Variants in TLK2 observed in about 807,000 individuals in gnomAD.
The protein encoded by TLK2 is serine/threonine-protein kinase tousled-like 2.
In TLK2, 6 loss-of-function variants were observed where a neutral mutation model predicts 117.3. The observed-to-expected ratio is 0.05, with a 90% confidence interval of 0.03 to 0.10. TLK2 has a LOEUF of 0.10. Among genes scored for constraint, TLK2 ranks in the 10% least tolerant of loss-of-function variants. The pLI is 1.00. For synonymous variants in TLK2, 257 were observed against 316.7 expected, an observed-to-expected ratio of 0.81 and a Z score of 2.00; for missense variants, 299 against 901.2, an observed-to-expected ratio of 0.33 and a Z score of 8.56.
chr17:62,516,773 C>T (rs1567832465), intron 2 of TLK2: 3 of 1,518,506 alleles, frequency 2.0e-6, no homozygotes, highest in East Asian at 2.3e-5. Context: ...AACATCTCTG[C>T]AGCTGCAGGG....
At chr17:62,543,309 T>C (rs2077671355) in intron 7 of TLK2, among the ~76,000 whole-genome samples, 1 of 152,238 alleles carries the variant, frequency 6.6e-6, no homozygotes, top group African/African-American at 2.4e-5. Flanking sequence ...GATGTTGCTA[T>C]GAACATTCAT....
chr17:62,542,376 G>A (rs1247856957), intron 7 of TLK2, among the ~76,000 whole-genome samples: 2 of 152,070 alleles, frequency 1.3e-5, no homozygotes, highest in African/African-American at 4.8e-5. Flanking sequence ...CAAAGTGTGG[G>A]GATTAGAGGC....
At chr17:62,600,077 G>A (rs983574828) in intron 17 of TLK2, among the ~76,000 whole-genome samples, 1 of 152,198 alleles carries the variant, frequency 6.6e-6, no homozygotes, top group East Asian at 1.9e-4. Flanking sequence ...GTGCCAAGCT[G>A]TCAGAAGACG....
At position 62,503,922 on chromosome 17, in the gene TLK2, C is replaced by T. The variant is rs2319026; in HGVS notation, c.82-16851C>T. ...TTTTTTTTTGTATTTTTAGTAGAGA[C>T]GGGGTTTCTCCATGTTGGTCAGGCT... On this transcript the variant is annotated intron_variant, in intron 2 of 21. Transcript: ENST00000346027. 2.9e-3 allele frequency among the ~76,000 whole-genome samples: 444 copies of T among 150,560 alleles called. 1 individual carries two copies. Among genetic ancestry groups the T allele is most frequent in the African/African-American group, 0.01 (421 of 40,934 alleles).
At chr17:62,548,240 A>ATATATG (rs368516607) in intron 7 of TLK2, among the ~76,000 whole-genome samples, 120 of 121,288 alleles carry the variant, frequency 9.9e-4, no homozygotes, top group African/African-American at 2.7e-3. Flanking sequence ...ATATATATAT[A>ATATATG]TGTGTGTGTG....
intron 19 of TLK2, among the ~76,000 whole-genome samples, chr17:62,602,888 A>C (rs924935793): frequency 2.0e-5 from 3 of 152,182 alleles, no homozygotes; most frequent in Non-Finnish European, 1.5e-5. Context: ...TATGGTTGTA[A>C]AAGTGTGTTA....
intron 3 of TLK2, 35 bp downstream of exon 3, chr17:62,520,879 C>T (rs1567841157): frequency 6.2e-7 from 1 of 1,606,348 alleles, no homozygotes; most frequent in Non-Finnish European, 8.5e-7. Flanking sequence ...ACTTTTCATA[C>T]TTGTACGTTT....
chr17:62,596,044 C>T (rs1407907240), intron 16 of TLK2, among the ~76,000 whole-genome samples: 1 of 152,024 alleles, frequency 6.6e-6, no homozygotes, highest in Non-Finnish European at 1.5e-5. Context: ...GGTTGACATC[C>T]ATTCACTTAA....
Position 62,596,663 on chromosome 17 carries a change from G to A in TLK2, c.1539G>A (p.Leu513=). The A allele has an allele frequency of 6.2e-7, 1 of 1,613,836 alleles. No individual in the cohort carries two copies. Among genetic ancestry groups the A allele is most frequent in the East Asian group, 2.2e-5 (1 of 44,872 alleles). ...RIVKLYDYFS[L]DTDSFCTVLE... is the part of the protein sequence containing the mutation. ...TTAAGCTGTATGATTACTTTTCACT[G>A]GATACTGACTCGTAAGTGCTGTGCT... Residue 513 remains leucine (L), a synonymous_variant, in exon 17 of 22, where the codon CTG becomes CTA. Coordinates refer to ENST00000346027, the MANE Select transcript of TLK2 (RefSeq NM_006852.6).
intron 6 of TLK2, among the ~76,000 whole-genome samples, chr17:62,527,747 AT>A (rs770877174): frequency 7.5e-4 from 109 of 146,294 alleles, no homozygotes; most frequent in Non-Finnish European, 7.4e-4. Flanking sequence ...TTCCGACTAG[AT>A]TTTTTTTTTT....
At chr17:62,514,736 A>C (rs1325869445) in intron 2 of TLK2, among the ~76,000 whole-genome samples, 2 of 151,430 alleles carry the variant, frequency 1.3e-5, no homozygotes, top group African/African-American at 4.9e-5. Flanking sequence ...CCGCCACCAC[A>C]CCCAGCTAAT....
chr17:62,518,101 A>C (rs2145449935), intron 2 of TLK2, among the ~76,000 whole-genome samples: 1 of 152,226 alleles, frequency 6.6e-6, no homozygotes, highest in African/African-American at 2.4e-5. Context: ...TTAGTGTTTC[A>C]TTATTGGGTT....
At chr17:62,474,436 G>T (rs549927442), upstream of TLK2, among the ~76,000 whole-genome samples, 1 of 148,426 alleles carries the variant, frequency 6.7e-6, no homozygotes, top group Non-Finnish European at 1.5e-5. Flanking sequence ...TTGAGAGGGC[G>T]TCTAGCTCTG....
At chr17:62,517,819 TC>T (rs2075731461) in intron 2 of TLK2, among the ~76,000 whole-genome samples, 1 of 152,196 alleles carries the variant, frequency 6.6e-6, no homozygotes, top group Non-Finnish European at 1.5e-5. Context: ...TGCCTCAGTC[TC>T]CCGACTAGCT....
At chr17:62,596,325 C>T (rs547445961) in intron 16 of TLK2, among the ~76,000 whole-genome samples, 37 of 152,282 alleles carry the variant, frequency 2.4e-4, no homozygotes, top group Admixed American at 5.2e-4. Context: ...CCACCTGCCT[C>T]GGCCTCCCAA....
rs760857263 is a variant in TLK2, at chr17:62,612,466, C to T, written c.2154C>T (p.Tyr718=). ...TCCAGCAGCTGGCCTGTGATCCCTA[C>T]TTGTTGCCTCACATCCGAAAGTCAG... ...IDVQQLACDP[Y]LLPHIRKSVS... is the part of the protein sequence containing the mutation. Residue 718 remains tyrosine (Y), a synonymous_variant, in exon 22 of 22, where the codon TAC becomes TAT. Transcript: ENST00000346027. 1.2e-6 allele frequency: 2 copies of T among 1,614,224 alleles called. No individual in the cohort carries two copies. The highest frequency in any genetic ancestry group is 2.2e-5 in the South Asian group (2 of 91,080).
intron 2 of TLK2, among the ~76,000 whole-genome samples, chr17:62,482,927 A>G (rs901438926): frequency 6.6e-6 from 1 of 152,208 alleles, no homozygotes; most frequent in African/African-American, 2.4e-5. Flanking sequence ...CTGTGGGAAC[A>G]CAGGATTTGT....
At chr17:62,500,973 T>C (rs2074136887) in intron 2 of TLK2, among the ~76,000 whole-genome samples, 1 of 152,216 alleles carries the variant, frequency 6.6e-6, no homozygotes, top group Non-Finnish European at 1.5e-5. Context: ...GCATGGTGAC[T>C]CACACCTGTA....
rs1045165768 is a variant in TLK2 at position 62,588,202 on chromosome 17, G to A, written c.1460+1976G>A. On this transcript the variant is annotated intron_variant, in intron 16 of 21. Transcript: ENST00000346027. ...ACATATACGTCTCCTGTGCTGAGACGTATATGTATTTTGCCTAGTCTCAGT... is the reference window on the plus strand; with the variant it reads ...ACATATACGTCTCCTGTGCTGAGACATATATGTATTTTGCCTAGTCTCAGT... Among the ~76,000 whole-genome samples the A allele has an allele frequency of 3.3e-5, 5 of 152,022 alleles. 1 individual carries two copies. Among genetic ancestry groups the A allele is most frequent in the Middle Eastern group, 6.8e-3 (2 of 294 alleles).
Sources: gnomAD v4.1 joint callset for allele counts (sites outside exome capture counted in the v4.1 genomes callset) on GRCh38, gnomAD v4.1.1 for gene constraint, MANE v1.5 for transcripts, NCBI Gene and HGNC (gene_info 2026-07-23, HGNC 2026-07-21) for gene names.